Variants in HELB observed in about 807,000 individuals in gnomAD.
HELB encodes the protein DNA 5'-3' helicase B.
Under a neutral mutation model 101.7 loss-of-function variants are expected in HELB, and 96 were observed. The observed-to-expected ratio is 0.94, with a 90% CI of 0.80 to 1.12. The LOEUF (loss-of-function observed/expected upper bound fraction) is 1.12, where lower values mean the gene tolerates loss of function less well. Ranked by LOEUF, HELB falls within the 50% of genes most tolerant of loss-of-function variation. The probability of loss-of-function intolerance (pLI) is 0.00; values close to 1 mark genes in which losing one functional copy is unlikely to be tolerated. For missense variants in HELB, 1,210 were observed against 1,291.9 expected, an observed-to-expected ratio of 0.94 and a Z score of 0.97; for synonymous variants, 437 against 459.7, an observed-to-expected ratio of 0.95 and a Z score of 0.63.
At chr12:66,305,233 G>A in intron 2 of HELB, 83 bp downstream of exon 2, 2 of 859,880 alleles carry the variant, frequency 2.3e-6, no homozygotes, top group Non-Finnish European at 3.6e-6. Context: ...CACTAGCATA[G>A]TATTCTTTTT....
chr12:66,340,460 A>G (rs185164800), downstream of HELB: 1 of 152,150 alleles, frequency 6.6e-6, no homozygotes, highest in African/African-American at 2.4e-5. Flanking sequence ...TTTAAATTGG[A>G]TATTTTTTCT....
In HELB at chr12:66,331,173, T is replaced by C; in HGVS notation, c.2690T>C (p.Val897Ala). The C allele has an allele frequency of 6.2e-7, 1 of 1,608,084 alleles. No homozygotes were observed. Among genetic ancestry groups the C allele is most frequent in the Non-Finnish European group, 8.5e-7 (1 of 1,175,926 alleles). ...TGCCAGGGGTCCGAGGAGCAAACAGTTGTCTATGTGGTGGGGAAGGCGGGC... is the reference window on the plus strand; with the variant it reads ...TGCCAGGGGTCCGAGGAGCAAACAGCTGTCTATGTGGTGGGGAAGGCGGGC... The part of the protein sequence containing the change: ...HTFQGSEEQT[V>A]VYVVGKAGRQ... The change falls in exon 12 of 13, where the codon GTT becomes GCT. Residue 897 changes from valine to alanine, a missense_variant. Physicochemically the swap from Val to Ala is moderately conservative, Grantham distance 64 (BLOSUM62 0). This residue lies in a region of HELB where 740 missense variants were observed against 728.8 expected (regional missense o/e 1.02). Transcript: ENST00000247815.
rs751336741 is a variant in HELB, at chr12:66,314,123, A to G, written c.1818A>G (p.Leu606=). ...GAATCTTCAAATCGGTCTTAAATTTATTGTGTGAGCACTCCAAACTTTCTA... is the reference window on the plus strand; with the variant it reads ...GAATCTTCAAATCGGTCTTAAATTTGTTGTGTGAGCACTCCAAACTTTCTA... The part of the protein sequence containing the change: ...SVGIFKSVLN[L]LCEHSKLSKL... The change falls in exon 5 of 13, where the codon TTA becomes TTG. Residue 606 remains leucine (L), a synonymous_variant. Coordinates refer to ENST00000247815, the MANE Select transcript of HELB (RefSeq NM_001370285.1). 3 of 1,613,696 alleles carry G rather than the reference A, an allele frequency of 1.9e-6. No homozygotes were observed. Among genetic ancestry groups the G allele is most frequent in the Non-Finnish European group, 2.5e-6 (3 of 1,179,752 alleles).
In HELB at chr12:66,305,116, A is replaced by G. The variant is rs1351268195; in HGVS notation, c.573A>G (p.Leu191=). 3.2e-6 allele frequency: 5 copies of G among 1,575,980 alleles called. No individual in the cohort carries two copies. In the African/African-American group the frequency reaches 5.5e-5, roughly 17 times the overall value. Residue 191 remains leucine, a synonymous_variant, in exon 2 of 13, where the codon CTA becomes CTG. Coordinates refer to ENST00000247815, the MANE Select transcript of HELB (RefSeq NM_001370285.1). Reference sequence around the variant, plus strand: ...AGAATGGTCAGGAAGAGTTGTTCCTAGACAATGAGATGAGTCTTCCTCTGG... The same window carrying G: ...AGAATGGTCAGGAAGAGTTGTTCCTGGACAATGAGATGAGTCTTCCTCTGG... ...PTQNGQEELF[L]DNEMSLPLEN...
chr12:66,331,334 T>A lies in HELB; in HGVS notation c.2851T>A (p.Leu951Met). 1 of 1,614,232 alleles carries A rather than the reference T, an allele frequency of 6.2e-7. No individual in the cohort carries two copies. Among genetic ancestry groups the A allele is most frequent in the Non-Finnish European group, 8.5e-7 (1 of 1,180,048 alleles). ...FPRKTRLKHF[L>M]QSKLSSSGAP... The stretch of plus-strand genomic sequence containing the variant: ...TAGAAAAACTCGTTTGAAACATTTC[T>A]TGCAAAGTAAGCTCTCCTCTAGCGG... Residue 951 changes from leucine to methionine, a missense_variant, in exon 12 of 13, where the codon TTG becomes ATG. Around this residue, in one of 2 missense-constraint regions of HELB, gnomAD observed 740 missense variants for 728.8 expected, o/e 1.02. Transcript: ENST00000247815.
intron 6 of HELB, among the ~76,000 whole-genome samples, chr12:66,316,397 G>A (rs1337338420): frequency 6.6e-6 from 1 of 151,974 alleles, no homozygotes; most frequent in Non-Finnish European, 1.5e-5. Flanking sequence ...ATGTATATCT[G>A]GTTTTTACTC....
chr12:66,318,351 G>A (rs1237415053), intron 6 of HELB, among the ~76,000 whole-genome samples: 1 of 152,086 alleles, frequency 6.6e-6, no homozygotes, highest in Non-Finnish European at 1.5e-5. Flanking sequence ...TTTTCAGAAT[G>A]GTGCCTAGTA....
At chr12:66,307,824 C>G (rs1371214712) in intron 3 of HELB, among the ~76,000 whole-genome samples, 1 of 151,504 alleles carries the variant, frequency 6.6e-6, no homozygotes, top group East Asian at 1.9e-4. Flanking sequence ...CTCCACCTCC[C>G]GGGTTCAAGC....
chr12:66,310,077 A>G lies in HELB; in HGVS notation c.1149A>G (p.Glu383=), dbSNP rs201170332. 1.4e-5 allele frequency: 23 copies of G among 1,614,216 alleles called. 1 individual carries two copies. ...KPPWHLCVDV[E]KVLASIHTTK... ...CTTGGCATTTATGTGTCGATGTCGAAAAGGTGCTTGCCTCTATTCACACCA... is the reference window on the plus strand; with the variant it reads ...CTTGGCATTTATGTGTCGATGTCGAGAAGGTGCTTGCCTCTATTCACACCA... The change falls in exon 4 of 13, where the codon GAA becomes GAG. Residue 383 remains glutamate, a synonymous_variant. Coordinates refer to ENST00000247815, the MANE Select transcript of HELB (RefSeq NM_001370285.1).
At chr12:66,322,186 G>A (rs771589057) in intron 8 of HELB, among the ~76,000 whole-genome samples, 157 bp downstream of exon 8, 18 of 152,170 alleles carry the variant, frequency 1.2e-4, no homozygotes, top group East Asian at 1.9e-4. Context: ...GGCAGAGGGC[G>A]CTTTCTAAAC....
rs2053706428 is a variant in HELB at position 66,324,093 on chromosome 12, A to G, written c.2408A>G (p.Asn803Ser). 6.2e-7 allele frequency: 1 copy of G among 1,613,694 alleles called. No individual in the cohort carries two copies. Among genetic ancestry groups the G allele is most frequent in the Admixed American group, 1.7e-5 (1 of 60,004 alleles). ...AATATCTCTGGAAGTCAGCAAAATA[A>G]TGATCTAGATGCCAGTAGTGAAGAC... ...PENISGSQQN[N>S]DLDASSEDFS... Residue 803 changes from asparagine (N) to serine (S), a missense_variant, in exon 10 of 13, where the codon AAT becomes AGT. Physicochemically the swap from Asn to Ser is conservative, Grantham distance 46. This residue lies in a region of HELB where 740 missense variants were observed against 728.8 expected (regional missense o/e 1.02). Transcript: ENST00000247815.
chr12:66,328,206 G>A (rs1021167481), intron 11 of HELB, among the ~76,000 whole-genome samples: 5 of 152,170 alleles, frequency 3.3e-5, no homozygotes, highest in Admixed American at 2.6e-4. Flanking sequence ...CACTAGCCAC[G>A]TGTAGCTATT....
rs746836196 is a variant in HELB, at chr12:66,302,580, GT to G, written c.-21del. 1 of 1,605,822 alleles carries G rather than the reference GT, an allele frequency of 6.2e-7. No individual in the cohort carries two copies. Among genetic ancestry groups the G allele is most frequent in the Non-Finnish European group, 8.5e-7 (1 of 1,173,366 alleles). ...CAGTTAGCCAGGGTTTTCCCGAGTT[GT>G]TTGGGTTGAGTTCAGGAGAAGCATG... On this transcript the variant is annotated 5_prime_UTR_variant, in exon 1 of 13. It removes the in-frame stop codon of an upstream open reading frame in the 5' UTR. Coordinates refer to ENST00000247815, the MANE Select transcript of HELB (RefSeq NM_001370285.1).
intron 12 of HELB, among the ~76,000 whole-genome samples, chr12:66,336,758 G>A (rs997260292): frequency 2.0e-5 from 3 of 152,178 alleles, no homozygotes; most frequent in African/African-American, 7.2e-5. Context: ...GAGAGGATGG[G>A]CTGCAGACAC....
chr12:66,316,784 C>T (rs2053610874), intron 6 of HELB, among the ~76,000 whole-genome samples: 2 of 151,766 alleles, frequency 1.3e-5, no homozygotes, highest in South Asian at 4.1e-4. Flanking sequence ...CTTTGGGAGG[C>T]CGAGGCGGGT....
chr12:66,305,640 G>A (rs1458356893), intron 2 of HELB, among the ~76,000 whole-genome samples: 3 of 152,070 alleles, frequency 2.0e-5, no homozygotes, highest in Non-Finnish European at 4.4e-5. Flanking sequence ...AGCTACTTGG[G>A]AGGATGAGGC....
chr12:66,320,212 CAAT>C (rs1722106473), intron 7 of HELB, among the ~76,000 whole-genome samples: 2 of 151,910 alleles, frequency 1.3e-5, no homozygotes, highest in South Asian at 4.1e-4. Flanking sequence ...AAAAAAAAGT[CAAT>C]GATACAGGAA....
chr12:66,310,970 C>T (rs2053538044), intron 4 of HELB, among the ~76,000 whole-genome samples: 1 of 152,002 alleles, frequency 6.6e-6, no homozygotes, highest in South Asian at 2.1e-4. Flanking sequence ...TAAAGACAAA[C>T]TTATTTCTTA....
rs2137004989 is a variant in HELB at position 66,322,131 on chromosome 12, CTG to C, written c.2237+104_2237+105del. ...GATGGGAGATTCCAATATTTCATCA[CTG>C]TTAATTCTCTTTCTTATTTTGGGGT... On this transcript the variant is annotated intron_variant, in intron 8 of 12. Transcript: ENST00000247815. 3 of 570,794 alleles carry C rather than the reference CTG, an allele frequency of 5.3e-6. 1 individual carries two copies. The East Asian group carries it at 9.4e-5, about 18-fold the overall frequency. The allele number at this position is 570,794 out of a possible 1,614,324, so 35.4% of individuals were successfully genotyped here.
Sources: allele counts gnomAD v4.1 joint callset (sites outside exome capture counted in the v4.1 genomes callset), GRCh38; gene constraint gnomAD v4.1.1; regional missense constraint gnomAD v4.1.1; transcripts MANE v1.5; gene names NCBI Gene and HGNC (gene_info 2026-07-23, HGNC 2026-07-21).